Variants in MEF2C observed in about 807,000 individuals in gnomAD.
MEF2C encodes myocyte-specific enhancer factor 2C.
A neutral mutation model predicts 50.5 loss-of-function variants in MEF2C; 6 were observed. That is an observed-to-expected ratio of 0.12 (90% CI 0.07 to 0.23). MEF2C has a LOEUF of 0.23. MEF2C is among the 10% of genes least tolerant of loss of function. The pLI is 1.00. For missense variants in MEF2C, 276 were observed against 605.0 expected (o/e 0.46, Z 5.70); for synonymous variants, 183 against 228.0 (o/e 0.80, Z 1.78).
At chr5:88,852,699 C>T (rs756910008) in intron 1 of MEF2C, among the ~76,000 whole-genome samples, 30 of 151,974 alleles carry the variant, frequency 2.0e-4, no homozygotes, top group East Asian at 3.9e-4. Context: ...GGTGAAACCC[C>T]GTTTCACCGT....
intron 1 of MEF2C, among the ~76,000 whole-genome samples, chr5:88,835,330 A>C (rs1212505329): frequency 6.6e-6 from 1 of 152,184 alleles, no homozygotes; most frequent in African/African-American, 2.4e-5. Flanking sequence ...TAATCAGCAG[A>C]GCTTTGATTA....
At chr5:88,866,618 C>T (rs1419167952) in intron 1 of MEF2C, among the ~76,000 whole-genome samples, 1 of 152,140 alleles carries the variant, frequency 6.6e-6, no homozygotes, top group Non-Finnish European at 1.5e-5. Flanking sequence ...CAGAAAAATT[C>T]AGTTAAAAGC....
chr5:88,767,419 C>T (rs1200844611), intron 3 of MEF2C, among the ~76,000 whole-genome samples: 2 of 152,034 alleles, frequency 1.3e-5, no homozygotes, highest in African/African-American at 2.4e-5. Flanking sequence ...AATGAAGACA[C>T]ATTAATATAT....
rs569409804 is a variant in MEF2C, at chr5:88,769,576, C to A, written c.259-8248G>T. 1.3e-3 allele frequency among the ~76,000 whole-genome samples: 192 copies of A among 152,294 alleles called. 1 individual carries two copies. Among genetic ancestry groups the A allele is most frequent in the Admixed American group, 2.5e-3 (38 of 15,292 alleles). Reference sequence around the variant, plus strand: ...GTGAAGTGAAATACTAAAGAGAGAACATTTAATATATAATAATTGAAATGC... The same window carrying A: ...GTGAAGTGAAATACTAAAGAGAGAAAATTTAATATATAATAATTGAAATGC... On this transcript the variant is annotated intron_variant, in intron 3 of 10. Transcript: ENST00000504921.
intron 6 of MEF2C, chr5:88,741,554 A>G (rs1766792861): frequency 1.0e-6 from 1 of 985,276 alleles, no homozygotes; most frequent in South Asian, 4.7e-5. Flanking sequence ...GCTTAATATT[A>G]GAGCCAACTA....
At chr5:88,748,397 G>A (rs1178860781) in intron 6 of MEF2C, among the ~76,000 whole-genome samples, 1 of 152,168 alleles carries the variant, frequency 6.6e-6, no homozygotes, top group Non-Finnish European at 1.5e-5. Context: ...GCATTTGAAA[G>A]TATTGTGCTA....
intron 6 of MEF2C, chr5:88,735,090 A>G (rs1038385768): frequency 2.0e-6 from 2 of 985,222 alleles, no homozygotes; most frequent in African/African-American, 1.7e-5. Context: ...TGGATCCTAA[A>G]CCAGTGATAT....
chr5:88,786,472 A>G (rs1176472572), intron 3 of MEF2C, among the ~76,000 whole-genome samples: 3 of 152,122 alleles, frequency 2.0e-5, no homozygotes, highest in Admixed American at 6.6e-5. Context: ...GGAAAAAAAA[A>G]TCTCATCTGT....
intron 1 of MEF2C, among the ~76,000 whole-genome samples, chr5:88,864,957 G>A (rs560003183): frequency 1.3e-5 from 2 of 152,054 alleles, no homozygotes; most frequent in East Asian, 1.9e-4. Context: ...TAGTACAGAC[G>A]GGGTTTCTCC....
chr5:88,830,192 C>CAA (rs1812491804), intron 1 of MEF2C, among the ~76,000 whole-genome samples: 1 of 151,878 alleles, frequency 6.6e-6, no homozygotes, highest in African/African-American at 2.4e-5. Context: ...CTTCAGGCTG[C>CAA]AAAAGTGGAA....
intron 6 of MEF2C, chr5:88,732,443 G>C (rs1762111383): frequency 6.6e-6 from 1 of 152,490 alleles, no homozygotes; most frequent in African/African-American, 2.4e-5. Flanking sequence ...TCTCTCTATG[G>C]TTTTTCTTCC....
chr5:88,855,599 G>A (rs1823019223), intron 1 of MEF2C, among the ~76,000 whole-genome samples: 1 of 152,188 alleles, frequency 6.6e-6, no homozygotes, highest in African/African-American at 2.4e-5. Context: ...GGAGGGACCA[G>A]GTGGAGATAA....
chr5:88,851,215 G>A (rs572786547), intron 1 of MEF2C, among the ~76,000 whole-genome samples: 12 of 130,022 alleles, frequency 9.2e-5, no homozygotes, highest in Non-Finnish European at 1.7e-4. Context: ...CCTGGTGACA[G>A]AGTGCCACTC....
At chr5:88,763,972 C>T (rs1248910217) in intron 3 of MEF2C, among the ~76,000 whole-genome samples, 1 of 152,116 alleles carries the variant, frequency 6.6e-6, no homozygotes, top group Non-Finnish European at 1.5e-5. Flanking sequence ...TTATATAAAC[C>T]TTTAATTTAA....
chr5:88,774,979 G>A (rs1784108046), intron 3 of MEF2C, among the ~76,000 whole-genome samples: 1 of 152,216 alleles, frequency 6.6e-6, no homozygotes, highest in Non-Finnish European at 1.5e-5. Flanking sequence ...TGCGCTCCTT[G>A]AGGGCAGGTC....
At chr5:88,739,255 A>G (rs1245746340) in intron 6 of MEF2C, 1 of 983,334 alleles carries the variant, frequency 1.0e-6, no homozygotes, top group African/African-American at 1.7e-5. Context: ...AAATTGACAC[A>G]GGAAAACATT....
rs188777706 is a variant in MEF2C at position 88,793,682 on chromosome 5, G to A, written c.258+10916C>T. 3.9e-5 allele frequency among the ~76,000 whole-genome samples: 6 copies of A among 152,110 alleles called. No homozygotes were observed. The South Asian group carries it at 8.3e-4, about 21-fold the overall frequency. On this transcript the variant is annotated intron_variant, in intron 3 of 10. Transcript: ENST00000504921. ...TTATTTACTTTAAGTTCTGGGATACGTGTGCAGAACATGCAGACTTGTTAC... is the reference window on the plus strand; with the variant it reads ...TTATTTACTTTAAGTTCTGGGATACATGTGCAGAACATGCAGACTTGTTAC...
At chr5:88,860,826 G>A (rs1825247065) in intron 1 of MEF2C, among the ~76,000 whole-genome samples, 1 of 152,176 alleles carries the variant, frequency 6.6e-6, no homozygotes, top group Non-Finnish European at 1.5e-5. Context: ...TGTTCTTCAA[G>A]GGATTCTCTT....
In MEF2C at chr5:88,751,028, G is replaced by A. The variant is rs891218327; in HGVS notation, c.589+829C>T. ...TGATGCTGCTTCTGGAAACATAAAG[G>A]AATAATTTTGTTATATTCAATACGC... On this transcript the variant is annotated intron_variant, in intron 5 of 10. Transcript: ENST00000504921. 4.4e-6 allele frequency: 4 copies of A among 899,808 alleles called. No homozygotes were observed. In the African/African-American group the frequency reaches 7.2e-5, roughly 16 times the overall value. 55.7% of individuals were successfully genotyped at this position (899,808 alleles called of 1,614,324 possible). A position where few individuals can be genotyped will look rare whatever the true frequency, so the allele number is the denominator to read the frequency against.
Sources: gnomAD v4.1 joint callset for allele counts (sites outside exome capture counted in the v4.1 genomes callset) on GRCh38, gnomAD v4.1.1 for gene constraint, MANE v1.5 for transcripts, NCBI Gene and HGNC (gene_info 2026-07-23, HGNC 2026-07-21) for gene names.